TERF1: variants seen among roughly 807,000 people sequenced by gnomAD.
The protein encoded by TERF1 is telomeric repeat-binding factor 1.
In TERF1, 20 loss-of-function variants were observed where a neutral mutation model predicts 55.1. That is an observed-to-expected ratio of 0.36 (90% confidence interval 0.26 to 0.53). TERF1 has a LOEUF of 0.53. Ranked by LOEUF, TERF1 falls within the 20% of genes least tolerant of loss-of-function variation. The pLI, the probability that TERF1 is intolerant of heterozygous loss-of-function variation, is 0.91. For synonymous variants in TERF1, 168 were observed against 181.2 expected (o/e 0.93, Z 0.59); for missense variants, 439 against 535.7 (o/e 0.82, Z 1.78).
At chr8:73,045,049 GA>G (rs1209721109) in intron 9 of TERF1, among the ~76,000 whole-genome samples, 2 of 152,158 alleles carry the variant, frequency 1.3e-5, no homozygotes, top group Admixed American at 6.6e-5. Flanking sequence ...CCCAGAAGTG[GA>G]ATTGCTGGAT....
chr8:73,020,257 ATAG>A (rs2129765586), intron 2 of TERF1, among the ~76,000 whole-genome samples: 1 of 152,298 alleles, frequency 6.6e-6, no homozygotes, highest in Non-Finnish European at 1.5e-5. Context: ...AAGCTTAATA[ATAG>A]TACAACTATT....
At chr8:73,012,269 A>G (rs970401994) in intron 1 of TERF1, 2 of 152,224 alleles carry the variant, frequency 1.3e-5, no homozygotes. Context: ...AACCTTTACA[A>G]TAGTAACATC....
intron 6 of TERF1, 39 bp from the exon 7 acceptor site, chr8:73,030,292 GTTTCT>G: frequency 7.6e-7 from 1 of 1,310,952 alleles, no homozygotes; most frequent in African/African-American, 1.5e-5. Context: ...CTTATGAAAA[GTTTCT>G]TTTGTTTACA....
chr8:73,046,252 T>C lies in TERF1; in HGVS notation c.*115T>C. The C allele has an allele frequency of 4.6e-6, 4 of 874,580 alleles. No homozygotes were observed. The highest frequency in any genetic ancestry group is 5.0e-6 in the Non-Finnish European group (3 of 606,026). The allele number at this position is 874,580 out of a possible 1,614,324, so 54.2% of individuals were successfully genotyped here. A position where few individuals can be genotyped will look rare whatever the true frequency, so the allele number is the denominator to read the frequency against. On this transcript the variant is annotated 3_prime_UTR_variant, in exon 10 of 10. Coordinates refer to ENST00000276603, the MANE Select transcript of TERF1 (RefSeq NM_017489.3). ...CTTTTGTTTAAAGCATTACAGTATT[T>C]TTCTGTGACCATCAATTAATGAGGG...
At chr8:73,033,578 G>GA (rs1318948506) in intron 8 of TERF1, among the ~76,000 whole-genome samples, 1 of 152,010 alleles carries the variant, frequency 6.6e-6, no homozygotes, top group Non-Finnish European at 1.5e-5. Flanking sequence ...ACTAAAAATA[G>GA]AAAAAATTAG....
At position 73,015,312 on chromosome 8, in the gene TERF1, CTT is replaced by C. The variant is rs5892387; in HGVS notation, c.415+1339_415+1340del. Among the ~76,000 whole-genome samples, 758 of 131,632 alleles carry C rather than the reference CTT, an allele frequency of 5.8e-3. 4 individuals are homozygous for C. The highest frequency in any genetic ancestry group is 0.012 in the Middle Eastern group (3 of 254). 86.4% of individuals were successfully genotyped at this position (131,632 alleles called of 152,430 possible). ...TTTTTGGCTATACATAACCCTTTTG[CTT>C]TTTTTTTTTTTTTTTTAATTTTGCT... On this transcript the variant is annotated intron_variant, in intron 2 of 9. Coordinates refer to ENST00000276603, the MANE Select transcript of TERF1 (RefSeq NM_017489.3).
Position 73,008,902 on chromosome 8 carries a change from T to G in TERF1, c.16T>G (p.Ser6Ala), listed in dbSNP as rs775882193. 5 of 1,607,632 alleles carry G rather than the reference T, an allele frequency of 3.1e-6. No homozygotes were observed. Among genetic ancestry groups the G allele is most frequent in the Non-Finnish European group, 4.2e-6 (5 of 1,177,510 alleles). The change falls in exon 1 of 10, where the codon TCC (serine) becomes GCC (alanine). Residue 6 changes from serine to alanine, a missense_variant. Ser to Ala is a moderately conservative substitution (Grantham distance 99). This residue lies in a region of TERF1 where 179 missense variants were observed against 152.6 expected (regional missense o/e 1.17). Coordinates refer to ENST00000276603, the MANE Select transcript of TERF1 (RefSeq NM_017489.3). Reference protein sequence around the residue: MAEDVSSAAPSPRGCA... With the variant: MAEDVASAAPSPRGCA... ...GCCATTTAACATGGCGGAGGATGTT[T>G]CCTCAGCGGCCCCGAGCCCGCGGGG...
intron 9 of TERF1, among the ~76,000 whole-genome samples, chr8:73,039,643 C>A (rs1247949341): frequency 6.6e-6 from 1 of 152,044 alleles, no homozygotes; most frequent in Non-Finnish European, 1.5e-5. Flanking sequence ...GGGCTTGATT[C>A]ATTTGCTTCC....
chr8:73,030,245 A>G (rs980083980), intron 6 of TERF1, 91 bp from the exon 7 acceptor site: 75 of 796,628 alleles, frequency 9.4e-5, no homozygotes, highest in Non-Finnish European at 1.4e-4. Flanking sequence ...TTTTTTTATA[A>G]ATTGAAATAT....
At chr8:73,037,022 AAT>A (rs949720406) in intron 8 of TERF1, among the ~76,000 whole-genome samples, 141 of 139,312 alleles carry the variant, frequency 1.0e-3, no homozygotes, top group African/African-American at 3.5e-3. Flanking sequence ...TATAATATAT[AAT>A]ATATATAATA....
chr8:73,018,536 C>T (rs766890382), intron 2 of TERF1, among the ~76,000 whole-genome samples: 3 of 152,060 alleles, frequency 2.0e-5, no homozygotes, highest in Non-Finnish European at 4.4e-5. Context: ...ATTAGCCTGG[C>T]GTGGTGGTGG....
intron 5 of TERF1, among the ~76,000 whole-genome samples, chr8:73,025,422 C>T (rs1219704053): frequency 6.7e-6 from 1 of 150,336 alleles, no homozygotes; most frequent in Non-Finnish European, 1.5e-5. Flanking sequence ...CTAGCCTGGG[C>T]GACATGGTGA....
Position 73,020,708 on chromosome 8 carries a change from G to A in TERF1, c.440G>A (p.Arg147Gln), listed in dbSNP as rs1356242448. ...TLDAQFENDE[R>Q]ITPLESALMI... The stretch of plus-strand genomic sequence containing the variant: ...GATGCACAGTTTGAAAATGATGAAC[G>A]AATTACACCCTTGGAATCAGCCCTG... Residue 147 changes from arginine to glutamine, a missense_variant, in exon 3 of 10, where the codon CGA becomes CAA. By Grantham distance (43) the Arg-to-Gln change is conservative (BLOSUM62 1). Around this residue, in one of 4 missense-constraint regions of TERF1, gnomAD observed 95 missense variants for 167.2 expected, o/e 0.57. Coordinates refer to ENST00000276603, the MANE Select transcript of TERF1 (RefSeq NM_017489.3). 1.9e-6 allele frequency: 3 copies of A among 1,600,890 alleles called. No individual in the cohort carries two copies. The highest frequency in any genetic ancestry group is 1.3e-5 in the African/African-American group (1 of 74,386).
Position 73,024,689 on chromosome 8 carries a change from C to T in TERF1, c.625-133C>T, listed in dbSNP as rs1179455558. 9 of 673,082 alleles carry T rather than the reference C, an allele frequency of 1.3e-5. No individual in the cohort carries two copies. In the South Asian group the frequency reaches 1.6e-4, roughly 12 times the overall value. 41.7% of individuals were successfully genotyped at this position (673,082 alleles called of 1,614,324 possible). On this transcript the variant is annotated intron_variant, in intron 4 of 9. Coordinates refer to ENST00000276603, the MANE Select transcript of TERF1 (RefSeq NM_017489.3). Reference sequence around the variant, plus strand: ...AGGTACATTGGCATGCCATTTAAAACTTAATTTTAAAAATATCTGTGTCTC... The same window carrying T: ...AGGTACATTGGCATGCCATTTAAAATTTAATTTTAAAAATATCTGTGTCTC...
intron 9 of TERF1, among the ~76,000 whole-genome samples, chr8:73,041,301 C>T (rs1273115678): frequency 6.6e-6 from 1 of 151,982 alleles, no homozygotes; most frequent in Non-Finnish European, 1.5e-5. Context: ...CTTTAGTGTC[C>T]TGTTTTTGTC....
At chr8:73,009,568 T>G in intron 1 of TERF1, 1 of 209,554 alleles carries the variant, frequency 4.8e-6, no homozygotes. Context: ...TGGCCTCCAG[T>G]AACCCCCGAG....
At chr8:73,028,571 A>ATTTTTT (rs59423351) in intron 6 of TERF1, among the ~76,000 whole-genome samples, 13 of 104,410 alleles carry the variant, frequency 1.2e-4, no homozygotes, top group African/African-American at 2.3e-4. Context: ...ACGTAGACCC[A>ATTTTTT]TTTTTTTTTT....
intron 8 of TERF1, among the ~76,000 whole-genome samples, chr8:73,034,959 G>GTA (rs1809449970): frequency 6.6e-6 from 1 of 152,084 alleles, no homozygotes; most frequent in Non-Finnish European, 1.5e-5. Context: ...GTAGAAGAAT[G>GTA]TATAGATTGA....
At chr8:73,014,834 G>A (rs1354619246) in intron 2 of TERF1, among the ~76,000 whole-genome samples, 3 of 152,278 alleles carry the variant, frequency 2.0e-5, no homozygotes, top group East Asian at 3.9e-4. Context: ...GGTGAGGGTA[G>A]GTCTGGAGTT....
Sources: allele counts gnomAD v4.1 joint callset (sites outside exome capture counted in the v4.1 genomes callset), GRCh38; gene constraint gnomAD v4.1.1; regional missense constraint gnomAD v4.1.1; transcripts MANE v1.5; gene names NCBI Gene and HGNC (gene_info 2026-07-23, HGNC 2026-07-21).